The following LINGO2 variants were observed in gnomAD, a reference collection of about 807,000 sequenced individuals.
The protein encoded by LINGO2 is leucine rich repeat and Ig domain containing 2.
A neutral mutation model predicts 30.6 loss-of-function variants in LINGO2; 14 were observed. That is an observed-to-expected ratio of 0.46 (90% CI 0.30 to 0.72). LINGO2 has a LOEUF of 0.72. Among genes scored for constraint, LINGO2 ranks in the 30% least tolerant of loss-of-function variants. LINGO2 has a pLI of 0.07. For synonymous variants in LINGO2, 317 were observed against 288.5 expected (o/e 1.10, Z -1.00); for missense variants, 729 against 751.7 (o/e 0.97, Z 0.35).
At chr9:28,388,749 C>A (rs1180452888) in intron 2 of LINGO2, among the ~76,000 whole-genome samples, 1 of 152,092 alleles carries the variant, frequency 6.6e-6, no homozygotes, top group East Asian at 1.9e-4. Flanking sequence ...TTCCTTGAAG[C>A]TTTATCTGAA....
the LINGO2 span, among the ~76,000 whole-genome samples, chr9:28,884,335 C>T: frequency 6.6e-6 from 1 of 152,126 alleles, no homozygotes. Flanking sequence ...TAACCAGTCA[C>T]ATCACAGATG....
chr9:28,938,387 C>T, the LINGO2 span, among the ~76,000 whole-genome samples: 1 of 152,106 alleles, frequency 6.6e-6, no homozygotes, highest in Admixed American at 6.6e-5. Context: ...TTTTGCTTAA[C>T]ACTTCTTTCT....
chr9:29,061,614 G>C, the LINGO2 span, among the ~76,000 whole-genome samples: 9 of 151,940 alleles, frequency 5.9e-5, no homozygotes, highest in Non-Finnish European at 1.2e-4. Flanking sequence ...TGATGCGCGA[G>C]AACTGGTTAT....
chr9:28,985,189 G>C, the LINGO2 span, among the ~76,000 whole-genome samples: 12 of 152,082 alleles, frequency 7.9e-5, no homozygotes, highest in Non-Finnish European at 1.6e-4. Context: ...TGTTGCAAAT[G>C]ACAGAATTTC....
the LINGO2 span, among the ~76,000 whole-genome samples, chr9:28,879,869 A>C: frequency 6.6e-6 from 1 of 152,278 alleles, no homozygotes; most frequent in East Asian, 1.9e-4. Flanking sequence ...AAAGTGGTAG[A>C]AAGAGCTAGA....
chr9:28,045,929 A>G (rs1190359309), intron 4 of LINGO2, among the ~76,000 whole-genome samples: 1 of 152,190 alleles, frequency 6.6e-6, no homozygotes, highest in Non-Finnish European at 1.5e-5. Context: ...GATGATGAAA[A>G]GCAAAGAGTT....
chr9:28,897,523 GTA>G, the LINGO2 span, among the ~76,000 whole-genome samples: 5 of 152,094 alleles, frequency 3.3e-5, no homozygotes, highest in African/African-American at 1.2e-4. Context: ...CTTCTCAGCT[GTA>G]TGTTTTGTTG....
intron 1 of LINGO2, among the ~76,000 whole-genome samples, chr9:28,564,822 A>G (rs1823282260): frequency 6.6e-6 from 1 of 152,122 alleles, no homozygotes; most frequent in African/African-American, 2.4e-5. Flanking sequence ...CACTAGCCAC[A>G]TTTCGAGTCT....
At chr9:28,398,875 C>A (rs900721464) in intron 2 of LINGO2, among the ~76,000 whole-genome samples, 1 of 152,146 alleles carries the variant, frequency 6.6e-6, no homozygotes, top group Non-Finnish European at 1.5e-5. Context: ...TTTCACTTAA[C>A]CCCTTTTCGT....
At chr9:28,517,795 C>G (rs899576517) in intron 1 of LINGO2, among the ~76,000 whole-genome samples, 1 of 152,152 alleles carries the variant, frequency 6.6e-6, no homozygotes, top group Non-Finnish European at 1.5e-5. Context: ...GAAATGTTTA[C>G]TCTACCCAGA....
intron 4 of LINGO2, among the ~76,000 whole-genome samples, chr9:28,212,692 AAGAT>A (rs1820633011): frequency 6.6e-6 from 1 of 151,440 alleles, no homozygotes; most frequent in Non-Finnish European, 1.5e-5. Context: ...ACTTAAATTT[AAGAT>A]AAATAAAATT....
chr9:28,928,773 G>C, the LINGO2 span, among the ~76,000 whole-genome samples: 2 of 152,100 alleles, frequency 1.3e-5, no homozygotes, highest in South Asian at 2.1e-4. Context: ...ACATGAAATA[G>C]TGCAATTCCC....
chr9:28,474,346 T>G (rs1825644050), intron 2 of LINGO2, among the ~76,000 whole-genome samples: 1 of 152,074 alleles, frequency 6.6e-6, no homozygotes, highest in Non-Finnish European at 1.5e-5. Context: ...ACTGACAAGG[T>G]CTAGTCTCCT....
At chr9:28,651,331 G>A (rs560500007) in intron 1 of LINGO2, among the ~76,000 whole-genome samples, 2 of 152,130 alleles carry the variant, frequency 1.3e-5, no homozygotes, top group Non-Finnish European at 2.9e-5. Context: ...TTGAGCAGGG[G>A]AAGGCAGAGT....
chr9:29,194,052 G>A, the LINGO2 span, among the ~76,000 whole-genome samples: 1 of 152,082 alleles, frequency 6.6e-6, no homozygotes, highest in African/African-American at 2.4e-5. Flanking sequence ...ACAGTAATCT[G>A]GGCACTCTTC....
chr9:28,205,996 C>T (rs972529112), intron 4 of LINGO2, among the ~76,000 whole-genome samples: 2 of 151,808 alleles, frequency 1.3e-5, no homozygotes, highest in African/African-American at 4.8e-5. Flanking sequence ...AAAACCCTGT[C>T]TCTACTAAAA....
chr9:28,863,732 T>C, the LINGO2 span: 2 of 488,786 alleles, frequency 4.1e-6, no homozygotes, highest in Non-Finnish European at 8.7e-6. Flanking sequence ...CTGGTACCTA[T>C]GAACCAACAA....
intron 4 of LINGO2, among the ~76,000 whole-genome samples, chr9:28,105,782 A>G (rs1826571164): frequency 6.6e-6 from 1 of 152,140 alleles, no homozygotes. Context: ...CCACGTGAGG[A>G]CACAGAGAGA....
chr9:28,211,713 C>A (rs188859924), intron 4 of LINGO2, among the ~76,000 whole-genome samples: 2 of 151,450 alleles, frequency 1.3e-5, no homozygotes, highest in Non-Finnish European at 3.0e-5. Context: ...GATTCACACT[C>A]TCTCTCTTTC....
Sources: allele counts gnomAD v4.1 joint callset (sites outside exome capture counted in the v4.1 genomes callset), GRCh38; gene constraint gnomAD v4.1.1; transcripts MANE v1.5; gene names NCBI Gene and HGNC (gene_info 2026-07-23, HGNC 2026-07-21).